The following TTLL5 variants were observed in gnomAD, a reference collection of about 807,000 sequenced individuals.
TTLL5 encodes the protein tubulin tyrosine ligase like 5.
In TTLL5, 132 loss-of-function variants were observed where a neutral mutation model predicts 168.4. The ratio of observed to expected loss-of-function variants is 0.78; its 90% confidence interval spans 0.68 to 0.91. TTLL5 has a LOEUF of 0.91. Ranked by LOEUF, TTLL5 falls within the 40% of genes least tolerant of loss-of-function variation. TTLL5 has a pLI of 0.00. For missense variants in TTLL5, 1,545 were observed against 1,581.5 expected, an observed-to-expected ratio of 0.98 and a Z score of 0.39; for synonymous variants, 546 against 558.6, an observed-to-expected ratio of 0.98 and a Z score of 0.32.
chr14:75,928,704 G>T (rs1033448405), intron 31 of TTLL5, among the ~76,000 whole-genome samples: 1 of 152,034 alleles, frequency 6.6e-6, no homozygotes, highest in Admixed American at 6.6e-5. Context: ...CCTGGTGATC[G>T]CAGGGCACAA....
At position 75,667,751 on chromosome 14, in the gene TTLL5, GTTTTTTT is replaced by G. The variant is rs67181555; in HGVS notation, c.75-1646_75-1640del. On this transcript the variant is annotated intron_variant, in intron 2 of 31. Coordinates refer to ENST00000298832, the MANE Select transcript of TTLL5 (RefSeq NM_015072.5). ...GCATTCAGAGTGTGGATCTTTTTAT[GTTTTTTT>G]TTTTTTTTTTTTTTTTTTATTGAGA... is the stretch of plus-strand genomic sequence containing the variant. 1.8e-3 allele frequency among the ~76,000 whole-genome samples: 160 copies of G among 89,098 alleles called. 1 individual carries two copies. Among genetic ancestry groups the G allele is most frequent in the African/African-American group, 6.9e-3 (157 of 22,798 alleles). The allele number at this position is 89,098 out of a possible 152,430, so 58.5% of individuals were successfully genotyped here.
In TTLL5 at chr14:75,766,077, C is replaced by T; in HGVS notation, c.1724C>T (p.Ala575Val). ...RPKYPVITQP[A>V]EMNVKTETES... is the part of the protein sequence containing the mutation. The stretch of plus-strand genomic sequence containing the variant: ...TCGTATTTAGTGATTACCCAACCAG[C>T]TGAAATGAATGTTAAAACTGAGACA... The change falls in exon 20 of 32, where the codon GCT becomes GTT. Residue 575 changes from alanine (A) to valine (V), a missense_variant. By Grantham distance (64) the Ala-to-Val change is moderately conservative (BLOSUM62 0). Coordinates refer to ENST00000298832, the MANE Select transcript of TTLL5 (RefSeq NM_015072.5). The T allele has an allele frequency of 6.2e-7, 1 of 1,611,374 alleles. No homozygotes were observed. The highest frequency in any genetic ancestry group is 8.5e-7 in the Non-Finnish European group (1 of 1,178,944).
rs1301513748 is a variant in TTLL5 at position 75,683,447 on chromosome 14, C to CT, written c.265-102dup. 5.4e-6 allele frequency: 5 copies of CT among 920,538 alleles called. No individual in the cohort carries two copies. The East Asian group carries it at 1.2e-4, about 23-fold the overall frequency. The allele number at this position is 920,538 out of a possible 1,614,324, so 57.0% of individuals were successfully genotyped here. On this transcript the variant is annotated intron_variant, in intron 4 of 31. Transcript: ENST00000298832. Reference sequence around the variant, plus strand: ...TAATTGGGCCACCCCGGTGAGTACACTGTGGATGAAAAAATCACTGTGGCT... The same window carrying CT: ...TAATTGGGCCACCCCGGTGAGTACACTTGTGGATGAAAAAATCACTGTGGCT...
At chr14:75,704,121 G>A (rs1384726570) in intron 7 of TTLL5, among the ~76,000 whole-genome samples, 1 of 152,168 alleles carries the variant, frequency 6.6e-6, no homozygotes, top group Non-Finnish European at 1.5e-5. Flanking sequence ...TTAATAAGTG[G>A]TAGAGTCAAG....
intron 18 of TTLL5, among the ~76,000 whole-genome samples, chr14:75,756,245 G>A (rs780317752): frequency 2.6e-5 from 4 of 151,818 alleles, no homozygotes; most frequent in African/African-American, 9.7e-5. Flanking sequence ...CATCTACATT[G>A]CATTTGTCTC....
At chr14:75,695,393 T>C (rs947749640) in intron 6 of TTLL5, among the ~76,000 whole-genome samples, 8 of 152,200 alleles carry the variant, frequency 5.3e-5, no homozygotes, top group African/African-American at 1.9e-4. Context: ...TGAAACTTCA[T>C]TAGCAATTTT....
At chr14:75,767,190 G>A (rs1330985514) in intron 20 of TTLL5, among the ~76,000 whole-genome samples, 3 of 151,372 alleles carry the variant, frequency 2.0e-5, no homozygotes, top group Non-Finnish European at 4.4e-5. Flanking sequence ...AGACATAGAG[G>A]TGTGATAATA....
chr14:75,933,760 A>T (rs1443265024), intron 31 of TTLL5, among the ~76,000 whole-genome samples: 1 of 152,248 alleles, frequency 6.6e-6, no homozygotes, highest in Non-Finnish European at 1.5e-5. Context: ...ATGTAGAGAT[A>T]GCTCTTTTAA....
chr14:75,731,896 T>C (rs1888570752), intron 12 of TTLL5, among the ~76,000 whole-genome samples: 1 of 152,048 alleles, frequency 6.6e-6, no homozygotes, highest in African/African-American at 2.4e-5. Context: ...CAGGAGATGT[T>C]TCTGTTTTCA....
chr14:75,906,405 A>T (rs185859408), intron 31 of TTLL5: 1 of 550,594 alleles, frequency 1.8e-6, no homozygotes, highest in Non-Finnish European at 2.3e-6. Flanking sequence ...AAAGCAAAAG[A>T]GAGACTGTGA....
chr14:75,922,459 CA>C (rs1360493793), intron 31 of TTLL5, among the ~76,000 whole-genome samples: 2 of 152,126 alleles, frequency 1.3e-5, no homozygotes, highest in Admixed American at 6.5e-5. Context: ...TGAATTTTGT[CA>C]AAGGCCTTTT....
At chr14:75,791,446 T>C (rs1173853942) in intron 26 of TTLL5, among the ~76,000 whole-genome samples, 1 of 152,158 alleles carries the variant, frequency 6.6e-6, no homozygotes, top group Non-Finnish European at 1.5e-5. Context: ...TCCCAGGAAA[T>C]ATCTATATTA....
At chr14:75,780,328 C>G (rs532680714) in intron 24 of TTLL5, among the ~76,000 whole-genome samples, 2 of 152,270 alleles carry the variant, frequency 1.3e-5, no homozygotes, top group Admixed American at 1.3e-4. Context: ...GCCTGACATG[C>G]CATTAGCTTC....
In TTLL5 at chr14:75,794,847, A is replaced by T. The variant is rs146860862; in HGVS notation, c.3171+1747A>T. Among the ~76,000 whole-genome samples the T allele has an allele frequency of 1.6e-3, 249 of 152,104 alleles. 1 individual carries two copies. Among genetic ancestry groups the T allele is most frequent in the Non-Finnish European group, 2.8e-3 (191 of 68,004 alleles). On this transcript the variant is annotated intron_variant, in intron 27 of 31. Coordinates refer to ENST00000298832, the MANE Select transcript of TTLL5 (RefSeq NM_015072.5). ...ACTCCTGTGTGATCTTGAGCAGTTC[A>T]CTCCATTGTTATTCTGACACTGACT...
chr14:75,764,458 G>A (rs780744120), intron 18 of TTLL5, among the ~76,000 whole-genome samples, 157 bp from the exon 19 acceptor site: 11 of 152,110 alleles, frequency 7.2e-5, no homozygotes, highest in South Asian at 4.1e-4. Flanking sequence ...AGGTTTTAAC[G>A]TAGATTCTAG....
chr14:75,897,849 G>C (rs1595229211), intron 30 of TTLL5, among the ~76,000 whole-genome samples: 1 of 152,276 alleles, frequency 6.6e-6, no homozygotes. Context: ...AGCTGAGATT[G>C]TAGTAAGCTT....
At chr14:75,954,034 G>A (rs1283862195) in intron 31 of TTLL5, among the ~76,000 whole-genome samples, 1 of 152,012 alleles carries the variant, frequency 6.6e-6, no homozygotes, top group Non-Finnish European at 1.5e-5. Flanking sequence ...AGATCACGAG[G>A]TCAGGAGATG....
At chr14:75,690,816 C>G (rs143036593) in intron 6 of TTLL5, among the ~76,000 whole-genome samples, 1 of 152,010 alleles carries the variant, frequency 6.6e-6, no homozygotes, top group Non-Finnish European at 1.5e-5. Flanking sequence ...GATGGGATCT[C>G]GCTCTGTTGC....
intron 8 of TTLL5, 96 bp downstream of exon 8, chr14:75,707,183 G>T (rs1886716080): frequency 2.1e-6 from 2 of 956,426 alleles, no homozygotes; most frequent in Admixed American, 2.0e-5. Flanking sequence ...TTATTATACT[G>T]TTGTGAAATT....
Sources: gnomAD v4.1 joint callset for allele counts (sites outside exome capture counted in the v4.1 genomes callset) on GRCh38, gnomAD v4.1.1 for gene constraint, MANE v1.5 for transcripts, NCBI Gene and HGNC (gene_info 2026-07-23, HGNC 2026-07-21) for gene names.